HPRT1: variants seen among roughly 807,000 people sequenced by gnomAD.
HPRT1 encodes hypoxanthine phosphoribosyltransferase 1.
A neutral mutation model predicts 19.0 loss-of-function variants in HPRT1; 4 were observed. The observed-to-expected ratio is 0.21, with a 90% confidence interval of 0.10 to 0.48. The LOEUF is 0.48. HPRT1 is among the 20% of genes least tolerant of loss of function. The pLI is 0.98. For missense variants in HPRT1, 65 were observed against 164.0 expected (o/e 0.40, Z 3.30); for synonymous variants, 53 against 54.9 (o/e 0.97, Z 0.15).
chrX:134,482,819 C>CT lies in HPRT1; in HGVS notation c.319-3637dup, dbSNP rs5903878. Among the ~76,000 whole-genome samples the CT allele has an allele frequency of 9.0e-3, 977 of 108,882 alleles. 5 individuals are homozygous for CT. Among genetic ancestry groups the CT allele is most frequent in the Non-Finnish European group, 0.011 (579 of 52,281 alleles). 94.6% of individuals were successfully genotyped at this position (108,882 alleles called of 115,157 possible). ...TATTTTGGAAAATGGAATATCTGCC[C>CT]TTTTTTTTTATCTGAGATACAGTCT... On this transcript the variant is annotated intron_variant, in intron 3 of 8. Transcript: ENST00000298556.
intron 1 of HPRT1, 145 bp downstream of exon 1, chrX:134,460,483 TCGGCTTTA>T: frequency 2.6e-6 from 1 of 390,114 alleles, no homozygotes; most frequent in Non-Finnish European, 3.8e-6. Context: ...TTTCCCGGGT[TCGGCTTTA>T]CGTCACGCGA....
intron 1 of HPRT1, among the ~76,000 whole-genome samples, chrX:134,467,668 A>G (rs1366217573): frequency 9.0e-6 from 1 of 111,456 alleles, no homozygotes; most frequent in African/African-American, 3.3e-5. Flanking sequence ...GGTGTTTGGG[A>G]TGATTAAAAC....
intron 1 of HPRT1, among the ~76,000 whole-genome samples, chrX:134,468,147 C>A (rs765881976): frequency 4.9e-4 from 54 of 110,356 alleles, no homozygotes; most frequent in Non-Finnish European, 9.3e-4. Context: ...ACACTGTTCA[C>A]AGTTACTCAT....
intron 3 of HPRT1, 101 bp downstream of exon 3, chrX:134,475,465 T>TTACA: frequency 1.9e-6 from 1 of 538,448 alleles, no homozygotes; most frequent in Non-Finnish European, 3.1e-6. Flanking sequence ...TTTCACTTGG[T>TTACA]TACAGTGAGA....
intron 1 of HPRT1, among the ~76,000 whole-genome samples, chrX:134,471,577 C>T (rs777292006): frequency 2.7e-4 from 30 of 111,870 alleles, no homozygotes; most frequent in African/African-American, 9.4e-4. Context: ...TTCCCCCTTA[C>T]TGTGAGATGA....
intron 3 of HPRT1, among the ~76,000 whole-genome samples, chrX:134,479,330 C>T (rs1246195871): frequency 2.8e-5 from 3 of 108,271 alleles, no homozygotes; most frequent in South Asian, 4.0e-4. Flanking sequence ...AGTGCGATGG[C>T]GTGATCTCAG....
rs1327440529 is a variant in HPRT1 at position 134,460,245 on chromosome X, T to G, written c.-67T>G. The G allele has an allele frequency of 1.8e-6, 2 of 1,086,258 alleles. No homozygotes were observed. Among genetic ancestry groups the G allele is most frequent in the East Asian group, 3.7e-5 (1 of 26,999 alleles). The allele number at this position is 1,086,258 out of a possible 1,213,427, so 89.5% of individuals were successfully genotyped here. On this transcript the variant is annotated 5_prime_UTR_variant, in exon 1 of 9. Coordinates refer to ENST00000298556, the MANE Select transcript of HPRT1 (RefSeq NM_000194.3). ...CGCCGCCTCTTGCTGCGCCTCCGCCTCCTCCTCTGCTCCGCCACCGGCTTC... is the reference window on the plus strand; with the variant it reads ...CGCCGCCTCTTGCTGCGCCTCCGCCGCCTCCTCTGCTCCGCCACCGGCTTC...
chrX:134,460,219 G>A lies in HPRT1; in HGVS notation c.-93G>A. On this transcript the variant is annotated 5_prime_UTR_variant, in exon 1 of 9. Coordinates refer to ENST00000298556, the MANE Select transcript of HPRT1 (RefSeq NM_000194.3). ...GCGAACCTCTCGGCTTTCCCGCGCG[G>A]CGCCGCCTCTTGCTGCGCCTCCGCC... 1 of 982,869 alleles carries A rather than the reference G, an allele frequency of 1.0e-6. No homozygotes were observed. 81.0% of individuals were successfully genotyped at this position (982,869 alleles called of 1,213,427 possible). A position where few individuals can be genotyped will look rare whatever the true frequency, so the allele number is the denominator to read the frequency against.
intron 3 of HPRT1, among the ~76,000 whole-genome samples, chrX:134,480,379 T>A (rs2077636005): frequency 9.0e-6 from 1 of 111,099 alleles, no homozygotes; most frequent in South Asian, 3.8e-4. Flanking sequence ...AGAATTCATT[T>A]TGCCAATTAC....
At chrX:134,463,853 A>T (rs2077590327) in intron 1 of HPRT1, among the ~76,000 whole-genome samples, 1 of 111,756 alleles carries the variant, frequency 8.9e-6, no homozygotes, top group Non-Finnish European at 1.9e-5. Flanking sequence ...ATCAATATTG[A>T]GCCTCAATTC....
Position 134,495,350 on chromosome X carries a change from C to T in HPRT1, c.485+1760C>T, listed in dbSNP as rs17879768. ...GCATTTCACTGCCACTTAATCTGAG[C>T]GACTATTCCATATTTAATCTCTCTG... On this transcript the variant is annotated intron_variant, in intron 6 of 8. Transcript: ENST00000298556. Among the ~76,000 whole-genome samples the T allele has an allele frequency of 5.4e-3, 599 of 111,383 alleles. 2 individuals are homozygous for T. Among genetic ancestry groups the T allele is most frequent in the African/African-American group, 0.018 (567 of 30,697 alleles).
chrX:134,480,402 C>T (rs2077636103), intron 3 of HPRT1, among the ~76,000 whole-genome samples: 1 of 109,911 alleles, frequency 9.1e-6, no homozygotes, highest in Admixed American at 9.8e-5. Flanking sequence ...GATTTTCCCT[C>T]AGTTGCAGTC....
intron 3 of HPRT1, among the ~76,000 whole-genome samples, chrX:134,477,793 C>A (rs770596534): frequency 9.0e-6 from 1 of 111,529 alleles, no homozygotes; most frequent in African/African-American, 3.3e-5. Context: ...CCCACTTCGG[C>A]CTCCCGAGTA....
chrX:134,478,652 CA>C (rs1322542591), intron 3 of HPRT1, among the ~76,000 whole-genome samples: 1 of 111,643 alleles, frequency 9.0e-6, no homozygotes, highest in Non-Finnish European at 1.9e-5. Context: ...AACACAACTG[CA>C]GAAAATTATA....
chrX:134,469,603 A>C (rs901066847), intron 1 of HPRT1, among the ~76,000 whole-genome samples: 15 of 111,960 alleles, frequency 1.3e-4, no homozygotes, highest in African/African-American at 4.9e-4. Flanking sequence ...ACCTGTAGCC[A>C]GGCACTGAAC....
intron 6 of HPRT1, among the ~76,000 whole-genome samples, chrX:134,493,971 A>G (rs1257778538): frequency 8.9e-6 from 1 of 111,904 alleles, no homozygotes; most frequent in Non-Finnish European, 1.9e-5. Flanking sequence ...TGAATGCTGC[A>G]TCTTCTTTGT....
intron 1 of HPRT1, among the ~76,000 whole-genome samples, chrX:134,460,946 G>A (rs2077582042): frequency 8.9e-6 from 1 of 111,738 alleles, no homozygotes. Context: ...AAAGGCATTA[G>A]GTCATTTCAA....
chrX:134,476,399 G>A (rs1310487557), intron 3 of HPRT1, among the ~76,000 whole-genome samples: 3 of 112,147 alleles, frequency 2.7e-5, no homozygotes, highest in Admixed American at 9.5e-5. Context: ...CTTTTAACTT[G>A]TTAAAGTCTT....
intron 1 of HPRT1, among the ~76,000 whole-genome samples, chrX:134,464,757 C>G (rs1266095025): frequency 1.9e-5 from 2 of 103,361 alleles, no homozygotes; most frequent in Non-Finnish European, 4.0e-5. Context: ...TTTGTAGAGA[C>G]AGGATTTCAC....
Sources: gnomAD v4.1 joint callset for allele counts (sites outside exome capture counted in the v4.1 genomes callset) on GRCh38, gnomAD v4.1.1 for gene constraint, MANE v1.5 for transcripts, NCBI Gene and HGNC (gene_info 2026-07-23, HGNC 2026-07-21) for gene names.